The following SLC25A21 variants were observed in gnomAD, a reference collection of about 807,000 sequenced individuals.
SLC25A21 encodes solute carrier family 25 member 21.
A neutral mutation model predicts 43.8 loss-of-function variants in SLC25A21; 47 were observed. That is an observed-to-expected ratio of 1.07 (90% CI 0.85 to 1.37). SLC25A21 has a LOEUF of 1.37. SLC25A21 is among the 40% of genes most tolerant of loss of function. The probability of loss-of-function intolerance (pLI) is 0.00; values close to 1 mark genes in which losing one functional copy is unlikely to be tolerated. For missense variants in SLC25A21, 352 were observed against 350.2 expected (o/e 1.00, Z -0.04); for synonymous variants, 131 against 121.3 (o/e 1.08, Z -0.52).
At chr14:36,793,550 C>T (rs1035454634) in intron 3 of SLC25A21, among the ~76,000 whole-genome samples, 1 of 116,524 alleles carries the variant, frequency 8.6e-6, no homozygotes, top group African/African-American at 3.3e-5. Flanking sequence ...AAAAAAAAAA[C>T]CCAGCATGAA....
At chr14:36,776,226 C>CTTTT (rs1227806836) in intron 3 of SLC25A21, among the ~76,000 whole-genome samples, 5 of 48,084 alleles carry the variant, frequency 1.0e-4, no homozygotes, top group African/African-American at 3.0e-4. Context: ...TTTTCTTTTT[C>CTTTT]TTTCTTTCTT....
intron 1 of SLC25A21, among the ~76,000 whole-genome samples, chr14:36,958,392 G>A (rs1337777853): frequency 1.3e-5 from 2 of 152,124 alleles, no homozygotes; most frequent in Non-Finnish European, 2.9e-5. Flanking sequence ...GTCTGAACAA[G>A]CCATTTAGAA....
At chr14:36,949,282 C>T (rs1396895137) in intron 1 of SLC25A21, among the ~76,000 whole-genome samples, 1 of 152,156 alleles carries the variant, frequency 6.6e-6, no homozygotes. Flanking sequence ...TCTATGTAAT[C>T]ATCTTCATTC....
At chr14:36,731,003 C>T (rs1884799895) in intron 4 of SLC25A21, among the ~76,000 whole-genome samples, 1 of 148,926 alleles carries the variant, frequency 6.7e-6, no homozygotes, top group South Asian at 2.1e-4. Context: ...GATGGAGTCT[C>T]GCTCTGTCGC....
chr14:37,049,166 T>C (rs897518152), intron 1 of SLC25A21, among the ~76,000 whole-genome samples: 1 of 152,182 alleles, frequency 6.6e-6, no homozygotes, highest in African/African-American at 2.4e-5. Context: ...GTTCTTGAAA[T>C]TCCAATATTT....
chr14:36,844,469 T>A (rs1202828592), intron 2 of SLC25A21, among the ~76,000 whole-genome samples: 2 of 152,158 alleles, frequency 1.3e-5, no homozygotes, highest in African/African-American at 2.4e-5. Context: ...AACTGGATTA[T>A]CCAGAGAAGG....
chr14:36,878,292 C>T (rs2138562179), intron 1 of SLC25A21, among the ~76,000 whole-genome samples: 1 of 152,190 alleles, frequency 6.6e-6, no homozygotes, highest in East Asian at 1.9e-4. Flanking sequence ...CATATTTGGT[C>T]CAGGATCTCT....
In SLC25A21 at chr14:36,847,783, AG is replaced by A. The variant is rs1889592559; in HGVS notation, c.119+27172del. 2.0e-5 allele frequency among the ~76,000 whole-genome samples: 3 copies of A among 152,230 alleles called. No individual in the cohort carries two copies. In the South Asian group the frequency reaches 6.2e-4, roughly 32 times the overall value. On this transcript the variant is annotated intron_variant, in intron 2 of 9. Coordinates refer to ENST00000331299, the MANE Select transcript of SLC25A21 (RefSeq NM_030631.4). ...GGTGGGAAAGACTGGAGTTGTAAGA[AG>A]GGCTGCCTGCAGCCTTGCAAAGGAA...
intron 1 of SLC25A21, among the ~76,000 whole-genome samples, chr14:37,139,486 C>CA (rs1022710499): frequency 1.6e-4 from 25 of 151,580 alleles, no homozygotes; most frequent in African/African-American, 4.8e-4. Context: ...TTTTTACTCA[C>CA]AAAAAAAACT....
chr14:37,033,161 C>A (rs2138771578), intron 1 of SLC25A21, among the ~76,000 whole-genome samples: 1 of 152,274 alleles, frequency 6.6e-6, no homozygotes, highest in South Asian at 2.1e-4. Flanking sequence ...AACCACCATT[C>A]TACTTTGTTT....
At chr14:36,796,763 T>G (rs1887688931) in intron 3 of SLC25A21, among the ~76,000 whole-genome samples, 1 of 152,184 alleles carries the variant, frequency 6.6e-6, no homozygotes, top group African/African-American at 2.4e-5. Flanking sequence ...TGTGGACACT[T>G]AGTTCCAGTG....
At chr14:37,103,043 G>C (rs979841096) in intron 1 of SLC25A21, among the ~76,000 whole-genome samples, 1 of 151,608 alleles carries the variant, frequency 6.6e-6, no homozygotes, top group Non-Finnish European at 1.5e-5. Flanking sequence ...AATAAATATC[G>C]TATCAATCCC....
chr14:36,907,941 T>G (rs1229689851), intron 1 of SLC25A21, among the ~76,000 whole-genome samples: 1 of 152,210 alleles, frequency 6.6e-6, no homozygotes, highest in Non-Finnish European at 1.5e-5. Flanking sequence ...ATATTCACAC[T>G]TTGTAATTGC....
At chr14:37,008,252 C>A (rs1357585758) in intron 1 of SLC25A21, among the ~76,000 whole-genome samples, 1 of 152,152 alleles carries the variant, frequency 6.6e-6, no homozygotes, top group South Asian at 2.1e-4. Context: ...CAGGCTTCTT[C>A]TTAATCTAAA....
intron 1 of SLC25A21, among the ~76,000 whole-genome samples, chr14:36,889,622 G>A (rs1039095526): frequency 1.3e-5 from 2 of 151,204 alleles, no homozygotes; most frequent in Non-Finnish European, 2.9e-5. Context: ...ACATATCTAG[G>A]ATTACAGGCA....
At chr14:36,836,456 T>C (rs1889212559) in intron 2 of SLC25A21, among the ~76,000 whole-genome samples, 1 of 152,250 alleles carries the variant, frequency 6.6e-6, no homozygotes, top group South Asian at 2.1e-4. Context: ...TTGAAGCCTT[T>C]AGAATTGAGC....
At chr14:36,816,676 T>A (rs999816903) in intron 2 of SLC25A21, among the ~76,000 whole-genome samples, 1 of 151,864 alleles carries the variant, frequency 6.6e-6, no homozygotes, top group Non-Finnish European at 1.5e-5. Context: ...ATTTTTAAAA[T>A]TTTTTTCTGT....
At chr14:36,953,985 AC>A (rs1205363691) in intron 1 of SLC25A21, among the ~76,000 whole-genome samples, 2 of 152,146 alleles carry the variant, frequency 1.3e-5, no homozygotes, top group African/African-American at 4.8e-5. Context: ...TAACATTCTG[AC>A]TTTATTTGAC....
chr14:36,781,741 T>G (rs575237027), intron 3 of SLC25A21, among the ~76,000 whole-genome samples: 2 of 152,340 alleles, frequency 1.3e-5, no homozygotes, highest in East Asian at 3.8e-4. Flanking sequence ...TTTTGTCTTT[T>G]AACCATTATA....
Sources: allele counts gnomAD v4.1 joint callset (sites outside exome capture counted in the v4.1 genomes callset), GRCh38; gene constraint gnomAD v4.1.1; transcripts MANE v1.5; gene names NCBI Gene and HGNC (gene_info 2026-07-23, HGNC 2026-07-21).